Variants in LRCH1 observed in about 807,000 individuals in gnomAD.
The protein encoded by LRCH1 is leucine-rich repeat and calponin homology domain-containing protein 1.
In LRCH1, 23 loss-of-function variants were observed where a neutral mutation model predicts 94.9. That is an observed-to-expected ratio of 0.24 (90% CI 0.17 to 0.34). The LOEUF (loss-of-function observed/expected upper bound fraction) is 0.34, where lower values mean the gene tolerates loss of function less well. Among genes scored for constraint, LRCH1 ranks in the 10% least tolerant of loss-of-function variants. LRCH1 has a pLI of 1.00. For missense variants in LRCH1, 790 were observed against 945.9 expected (o/e 0.84, Z 2.16); for synonymous variants, 364 against 354.9 (o/e 1.03, Z -0.29).
At chr13:46,699,793 A>G (rs1309531697) in intron 10 of LRCH1, among the ~76,000 whole-genome samples, 2 of 152,172 alleles carry the variant, frequency 1.3e-5, no homozygotes, top group East Asian at 3.9e-4. Context: ...ATCTGAGAAC[A>G]CCGTAGACTT....
intron 1 of LRCH1, among the ~76,000 whole-genome samples, chr13:46,646,615 G>A (rs2051224055): frequency 6.6e-6 from 1 of 152,080 alleles, no homozygotes; most frequent in Non-Finnish European, 1.5e-5. Context: ...CACATATAGA[G>A]CTGCTTCATT....
chr13:46,600,126 TC>T (rs1270510357), intron 1 of LRCH1, among the ~76,000 whole-genome samples: 1 of 149,890 alleles, frequency 6.7e-6, no homozygotes, highest in Non-Finnish European at 1.5e-5. Context: ...CCTCAGGTGA[TC>T]CACCCGCCTC....
intron 18 of LRCH1, among the ~76,000 whole-genome samples, chr13:46,733,437 T>A (rs559573502): frequency 1.3e-5 from 2 of 152,272 alleles, no homozygotes; most frequent in Admixed American, 1.3e-4. Context: ...TATATAGGAA[T>A]ATATTTGTTG....
chr13:46,580,836 T>C (rs2050356840), intron 1 of LRCH1, among the ~76,000 whole-genome samples: 1 of 152,214 alleles, frequency 6.6e-6, no homozygotes. Flanking sequence ...GGACAGTTGG[T>C]ACAAATTACA....
chr13:46,728,728 G>C, intron 17 of LRCH1, 119 bp from the exon 18 acceptor site: 1 of 957,578 alleles, frequency 1.0e-6, no homozygotes, highest in Non-Finnish European at 1.5e-6. Flanking sequence ...TCTAGGCATT[G>C]TTATCCTTAT....
At chr13:46,652,444 G>C (rs1385911520) in intron 2 of LRCH1, among the ~76,000 whole-genome samples, 1 of 150,476 alleles carries the variant, frequency 6.6e-6, no homozygotes, top group African/African-American at 2.4e-5. Flanking sequence ...TTTTTAAGTA[G>C]CCTTAACTTC....
At position 46,682,761 on chromosome 13, in the gene LRCH1, A is replaced by G. The variant is rs1593349340; in HGVS notation, c.685+915A>G. ...CCTCAGCATTGAGACATGGCTCCCA[A>G]CCATCCAGCATGAATGCCAAGACCT... On this transcript the variant is annotated intron_variant, in intron 4 of 19. Transcript: ENST00000389797. 8.5e-5 allele frequency among the ~76,000 whole-genome samples: 13 copies of G among 152,316 alleles called. No individual in the cohort carries two copies. In the South Asian group the frequency reaches 2.7e-3, roughly 32 times the overall value.
At chr13:46,688,867 C>G (rs1870753136) in intron 6 of LRCH1, among the ~76,000 whole-genome samples, 1 of 152,130 alleles carries the variant, frequency 6.6e-6, no homozygotes, top group African/African-American at 2.4e-5. Context: ...CATCTAAGAG[C>G]AAGCCACTTG....
intron 1 of LRCH1, among the ~76,000 whole-genome samples, chr13:46,576,221 T>C (rs2050302791): frequency 6.6e-6 from 1 of 152,166 alleles, no homozygotes; most frequent in Non-Finnish European, 1.5e-5. Flanking sequence ...AACAAGAAAC[T>C]CAAAGGCAGT....
intron 1 of LRCH1, among the ~76,000 whole-genome samples, chr13:46,627,445 A>G (rs1215882422): frequency 1.5e-5 from 2 of 130,722 alleles, no homozygotes; most frequent in African/African-American, 6.2e-5. Context: ...AATTTGACAG[A>G]TAAAAAAATG....
chr13:46,597,548 G>T (rs952907094), intron 1 of LRCH1, among the ~76,000 whole-genome samples: 1 of 152,020 alleles, frequency 6.6e-6, no homozygotes, highest in Non-Finnish European at 1.5e-5. Context: ...GTAGAGACAG[G>T]GTTTCACCAT....
chr13:46,620,226 A>G (rs2050864989), intron 1 of LRCH1, among the ~76,000 whole-genome samples: 1 of 152,106 alleles, frequency 6.6e-6, no homozygotes, highest in South Asian at 2.1e-4. Flanking sequence ...CTACCAATAC[A>G]AAAGCATGTT....
intron 1 of LRCH1, among the ~76,000 whole-genome samples, chr13:46,580,552 T>C (rs1273448984): frequency 6.6e-6 from 1 of 152,232 alleles, no homozygotes; most frequent in Admixed American, 6.5e-5. Context: ...CACTTACTTT[T>C]TGACCTGGAA....
downstream of LRCH1, among the ~76,000 whole-genome samples, chr13:46,747,543 C>T (rs917318698): frequency 1.3e-5 from 2 of 152,172 alleles, no homozygotes; most frequent in South Asian, 2.1e-4. Context: ...TGGGAATACT[C>T]GTGCTAGAAT....
At chr13:46,658,549 G>C (rs962222590) in intron 2 of LRCH1, among the ~76,000 whole-genome samples, 1 of 152,102 alleles carries the variant, frequency 6.6e-6, no homozygotes, top group South Asian at 2.1e-4. Flanking sequence ...GTGCAATTAC[G>C]GCTCACCACA....
intron 2 of LRCH1, among the ~76,000 whole-genome samples, chr13:46,667,992 G>A (rs2051543988): frequency 1.3e-5 from 2 of 152,194 alleles, no homozygotes; most frequent in South Asian, 4.1e-4. Flanking sequence ...ATGCATGTGT[G>A]TGCAAACACA....
chr13:46,578,834 G>A (rs2050333355), intron 1 of LRCH1, among the ~76,000 whole-genome samples: 1 of 152,098 alleles, frequency 6.6e-6, no homozygotes, highest in Admixed American at 6.5e-5. Context: ...CAGGGTGTGT[G>A]GCCTTCATGC....
chr13:46,610,960 G>A (rs562564290), intron 1 of LRCH1, among the ~76,000 whole-genome samples: 2 of 152,266 alleles, frequency 1.3e-5, no homozygotes, highest in East Asian at 3.9e-4. Flanking sequence ...GATCCTCTTA[G>A]CATGTGTATT....
chr13:46,654,761 A>G (rs1173829438), intron 2 of LRCH1, among the ~76,000 whole-genome samples: 1 of 152,206 alleles, frequency 6.6e-6, no homozygotes, highest in African/African-American at 2.4e-5. Flanking sequence ...CAAATAGGCA[A>G]GTATATCTGA....
Sources: allele counts gnomAD v4.1 joint callset (sites outside exome capture counted in the v4.1 genomes callset), GRCh38; gene constraint gnomAD v4.1.1; transcripts MANE v1.5; gene names NCBI Gene and HGNC (gene_info 2026-07-23, HGNC 2026-07-21).